Variants in TYW1 observed in about 807,000 individuals in gnomAD.
The protein encoded by TYW1 is S-adenosyl-L-methionine-dependent tRNA 4-demethylwyosine synthase TYW1.
In TYW1, 46 loss-of-function variants were observed where a neutral mutation model predicts 96.2. That is an observed-to-expected ratio of 0.48 (90% confidence interval 0.38 to 0.61). The LOEUF (loss-of-function observed/expected upper bound fraction) is 0.61, where lower values mean the gene tolerates loss of function less well. Ranked by LOEUF, TYW1 falls within the 20% of genes least tolerant of loss-of-function variation. TYW1 has a pLI of 0.00. For synonymous variants in TYW1, 274 were observed against 323.0 expected, an observed-to-expected ratio of 0.85 and a Z score of 1.63; for missense variants, 684 against 909.6, an observed-to-expected ratio of 0.75 and a Z score of 3.19.
chr7:67,065,167 A>G (rs559525774), intron 9 of TYW1, among the ~76,000 whole-genome samples: 76 of 152,272 alleles, frequency 5.0e-4, no homozygotes, highest in African/African-American at 1.8e-3. Context: ...TAGTCCTTAC[A>G]TGATCTGTCC....
chr7:67,201,580 A>G (rs1226484454), intron 15 of TYW1, among the ~76,000 whole-genome samples: 1 of 151,412 alleles, frequency 6.6e-6, no homozygotes. Context: ...TGTTACTTGC[A>G]TATTTATTTT....
At chr7:67,153,174 G>C (rs1301443415) in intron 13 of TYW1, among the ~76,000 whole-genome samples, 1 of 152,172 alleles carries the variant, frequency 6.6e-6, no homozygotes, top group Non-Finnish European at 1.5e-5. Flanking sequence ...TTATGTTTAT[G>C]GGTGGGTGTG....
chr7:67,231,047 C>G (rs562262743), intron 15 of TYW1, among the ~76,000 whole-genome samples: 1 of 152,148 alleles, frequency 6.6e-6, no homozygotes, highest in East Asian at 1.9e-4. Context: ...ATACACATAC[C>G]AGATTTTTAT....
At chr7:67,171,308 T>C (rs1229537018) in intron 13 of TYW1, among the ~76,000 whole-genome samples, 2 of 152,176 alleles carry the variant, frequency 1.3e-5, no homozygotes, top group African/African-American at 2.4e-5. Context: ...AAGGTCCGTT[T>C]AGTTGATTTT....
intron 15 of TYW1, among the ~76,000 whole-genome samples, chr7:67,228,568 TAAAG>T (rs1025671793): frequency 2.0e-5 from 3 of 152,194 alleles, no homozygotes; most frequent in African/African-American, 7.2e-5. Flanking sequence ...GCTTTTTAAA[TAAAG>T]AATGGTATAG....
rs181321537 is a variant in TYW1, at chr7:67,021,259, C to T, written c.861+3116C>T. ...ACTTCTCTGTTCAGACCATGTTAGACGCTTCTCATTCTCTCTTTCCAGGAC... is the reference window on the plus strand; with the variant it reads ...ACTTCTCTGTTCAGACCATGTTAGATGCTTCTCATTCTCTCTTTCCAGGAC... On this transcript the variant is annotated intron_variant, in intron 6 of 15. Transcript: ENST00000359626. Among the ~76,000 whole-genome samples the T allele has an allele frequency of 5.3e-4, 81 of 152,396 alleles. 1 individual carries two copies. Among genetic ancestry groups the T allele is most frequent in the Middle Eastern group, 3.4e-3 (1 of 294 alleles).
At chr7:67,178,724 A>G (rs1395903721) in intron 13 of TYW1, among the ~76,000 whole-genome samples, 1 of 152,096 alleles carries the variant, frequency 6.6e-6, no homozygotes, top group Non-Finnish European at 1.5e-5. Context: ...AAACACAGGC[A>G]AAAACTAGAC....
intron 12 of TYW1, among the ~76,000 whole-genome samples, chr7:67,109,706 C>A (rs1346131128): frequency 6.6e-6 from 1 of 151,996 alleles, no homozygotes; most frequent in Non-Finnish European, 1.5e-5. Flanking sequence ...CATAGTGAAA[C>A]CCTGTCTCAA....
chr7:67,174,962 A>C (rs2116274189), intron 13 of TYW1, among the ~76,000 whole-genome samples: 1 of 152,078 alleles, frequency 6.6e-6, no homozygotes, highest in African/African-American at 2.4e-5. Context: ...ATACTAGATG[A>C]AATGATCTAC....
chr7:67,206,249 A>G (rs1032320190), intron 15 of TYW1, among the ~76,000 whole-genome samples: 1 of 152,216 alleles, frequency 6.6e-6, no homozygotes, highest in Non-Finnish European at 1.5e-5. Context: ...CTGACACATG[A>G]AAACATCTTT....
rs1175850875 is a variant in TYW1, at chr7:67,084,663, C to T, written c.1384+1124C>T. ...CTTGCCTCCTGAGTAGTTGGGGCTA[C>T]AGGCACGGGCCACCACACCTGGCTA... On this transcript the variant is annotated intron_variant, in intron 11 of 15. Coordinates refer to ENST00000359626, the MANE Select transcript of TYW1 (RefSeq NM_018264.4). 2.0e-5 allele frequency among the ~76,000 whole-genome samples: 3 copies of T among 152,034 alleles called. No individual in the cohort carries two copies. The East Asian group carries it at 5.8e-4, about 29-fold the overall frequency.
chr7:67,214,462 T>C (rs755820417), intron 15 of TYW1, among the ~76,000 whole-genome samples: 3 of 152,200 alleles, frequency 2.0e-5, no homozygotes, highest in Admixed American at 2.0e-4. Context: ...GAGTTTTATT[T>C]CTTCCTTCCT....
At chr7:67,018,347 T>C (rs1794100382) in intron 6 of TYW1, among the ~76,000 whole-genome samples, 1 of 151,970 alleles carries the variant, frequency 6.6e-6, no homozygotes, top group Non-Finnish European at 1.5e-5. Context: ...AAGACCAGCC[T>C]GGGCAACATA....
At chr7:67,073,017 C>G (rs555152346) in intron 10 of TYW1, among the ~76,000 whole-genome samples, 2 of 143,198 alleles carry the variant, frequency 1.4e-5, no homozygotes, top group African/African-American at 2.6e-5. Flanking sequence ...CTCTTGGCCT[C>G]AAGCAGTCCT....
chr7:67,052,432 G>C (rs1469894514), intron 8 of TYW1, among the ~76,000 whole-genome samples: 3 of 152,132 alleles, frequency 2.0e-5, no homozygotes, highest in Non-Finnish European at 2.9e-5. Context: ...AATGTCTCAT[G>C]TTCCGTTAAT....
rs375634450 is a variant in TYW1 at position 67,009,702 on chromosome 7, T to A, written c.375+18T>A. Reference sequence around the variant, plus strand: ...TAGAAGAGGTTGGTAATTGTCTTTTTCTTCAGTCAAAACTCTCAAATTTAA... The same window carrying A: ...TAGAAGAGGTTGGTAATTGTCTTTTACTTCAGTCAAAACTCTCAAATTTAA... On this transcript the variant is annotated intron_variant, in intron 4 of 15. Transcript: ENST00000359626. 7 of 1,576,382 alleles carry A rather than the reference T, an allele frequency of 4.4e-6. No individual in the cohort carries two copies. The African/African-American group carries it at 9.6e-5, about 22-fold the overall frequency.
At chr7:67,087,060 C>G (rs1796571787) in intron 11 of TYW1, among the ~76,000 whole-genome samples, 1 of 152,182 alleles carries the variant, frequency 6.6e-6, no homozygotes, top group African/African-American at 2.4e-5. Context: ...TAGACACCTT[C>G]ATTTCTTTAT....
At chr7:67,017,241 C>T (rs11766949) in intron 5 of TYW1, among the ~76,000 whole-genome samples, 16,563 of 152,078 alleles carry the variant, frequency 0.11, 946 homozygotes, top group Middle Eastern at 0.15. Context: ...CCTCAGCCTC[C>T]CAAAGTGCTG....
chr7:67,078,317 G>T (rs1049357861), intron 10 of TYW1, among the ~76,000 whole-genome samples: 1 of 151,846 alleles, frequency 6.6e-6, no homozygotes, highest in Non-Finnish European at 1.5e-5. Flanking sequence ...GGCTGGTCTT[G>T]AACTCCTGAC....
Sources: gnomAD v4.1 joint callset for allele counts (sites outside exome capture counted in the v4.1 genomes callset) on GRCh38, gnomAD v4.1.1 for gene constraint, MANE v1.5 for transcripts, NCBI Gene and HGNC (gene_info 2026-07-23, HGNC 2026-07-21) for gene names.